The following ROBO1 variants were observed in gnomAD, a reference collection of about 807,000 sequenced individuals.
The protein encoded by ROBO1 is roundabout homolog 1.
ROBO1 carries 149 observed loss-of-function variants against 195.9 expected under a neutral mutation model. The observed-to-expected ratio is 0.76, with a 90% confidence interval of 0.67 to 0.87. ROBO1 has a LOEUF of 0.87. Among genes scored for constraint, ROBO1 ranks in the 40% least tolerant of loss-of-function variants. The pLI, the probability that ROBO1 is intolerant of heterozygous loss-of-function variation, is 0.00. For missense variants in ROBO1, 1,933 were observed against 2,068.3 expected (o/e 0.93, Z 1.27); for synonymous variants, 816 against 733.2 (o/e 1.11, Z -1.82).
chr3:79,707,313 C>G (rs1947802671), intron 1 of ROBO1, among the ~76,000 whole-genome samples: 1 of 152,108 alleles, frequency 6.6e-6, no homozygotes, highest in Non-Finnish European at 1.5e-5. Flanking sequence ...CATTATTATC[C>G]TTTTAATCTC....
chr3:79,008,929 G>GTC, intron 3 of ROBO1, among the ~76,000 whole-genome samples: 1 of 143,908 alleles, frequency 6.9e-6, no homozygotes, highest in East Asian at 2.1e-4. Flanking sequence ...GTGTGTGTGT[G>GTC]TATGGTTTTG....
chr3:78,845,898 C>T (rs1005392704), intron 4 of ROBO1, among the ~76,000 whole-genome samples: 84 of 152,304 alleles, frequency 5.5e-4, no homozygotes, highest in African/African-American at 2.0e-3. Context: ...CAGAATTCTT[C>T]AGACTAATAA....
At chr3:79,119,305 G>T (rs1008566597) in intron 3 of ROBO1, among the ~76,000 whole-genome samples, 1 of 152,122 alleles carries the variant, frequency 6.6e-6, no homozygotes, top group Non-Finnish European at 1.5e-5. Context: ...CATGTCCTGT[G>T]TTCTTCAGGA....
At chr3:79,290,196 G>A (rs1268446562) in intron 2 of ROBO1, among the ~76,000 whole-genome samples, 5 of 151,964 alleles carry the variant, frequency 3.3e-5, no homozygotes, top group African/African-American at 1.2e-4. Flanking sequence ...ACCATGCCCA[G>A]CTAATTTTTA....
chr3:79,099,463 G>A (rs2079634563), intron 3 of ROBO1, among the ~76,000 whole-genome samples: 1 of 151,648 alleles, frequency 6.6e-6, no homozygotes, highest in Admixed American at 6.6e-5. Context: ...CCTCAGAAGA[G>A]GTGACACTGA....
intron 2 of ROBO1, among the ~76,000 whole-genome samples, chr3:79,380,796 C>T (rs1427435640): frequency 6.6e-6 from 1 of 152,034 alleles, no homozygotes; most frequent in African/African-American, 2.4e-5. Flanking sequence ...CAAAAGGTGG[C>T]AGAAGTGACA....
chr3:79,422,275 C>T (rs2038259155), intron 2 of ROBO1, among the ~76,000 whole-genome samples: 1 of 150,844 alleles, frequency 6.6e-6, no homozygotes, highest in Non-Finnish European at 1.5e-5. Flanking sequence ...TTTGATTAAC[C>T]TAGTGCAACT....
chr3:79,294,349 A>C (rs2032455522), intron 2 of ROBO1, among the ~76,000 whole-genome samples: 1 of 152,202 alleles, frequency 6.6e-6, no homozygotes, highest in South Asian at 2.1e-4. Context: ...GAAATGGGGA[A>C]AAGATTCCCT....
chr3:79,171,415 A>G (rs2081163392), intron 2 of ROBO1, among the ~76,000 whole-genome samples: 1 of 122,534 alleles, frequency 8.2e-6, no homozygotes, highest in Non-Finnish European at 1.7e-5. Flanking sequence ...GAAAATTGCA[A>G]AAAAAAAAAA....
chr3:79,495,010 T>A (rs1359429296), intron 2 of ROBO1, among the ~76,000 whole-genome samples: 1 of 146,412 alleles, frequency 6.8e-6, no homozygotes, highest in Non-Finnish European at 1.5e-5. Context: ...CATAGATAGA[T>A]TGACAGATAG....
chr3:78,993,631 C>A (rs2077287523), intron 3 of ROBO1, among the ~76,000 whole-genome samples: 1 of 152,120 alleles, frequency 6.6e-6, no homozygotes, highest in South Asian at 2.1e-4. Flanking sequence ...GTCATCTCAC[C>A]CCAACCTTTA....
chr3:78,656,645 C>G (rs1707045637), intron 18 of ROBO1, among the ~76,000 whole-genome samples: 1 of 152,146 alleles, frequency 6.6e-6, no homozygotes, highest in African/African-American at 2.4e-5. Context: ...GCCACCGCAC[C>G]TGGCCTATTT....
At chr3:78,950,014 G>C (rs2040683890) in intron 3 of ROBO1, among the ~76,000 whole-genome samples, 1 of 152,136 alleles carries the variant, frequency 6.6e-6, no homozygotes, top group Non-Finnish European at 1.5e-5. Flanking sequence ...GGAAACAACA[G>C]GTGCTGGAGA....
chr3:78,940,021 T>C (rs2040047720), intron 3 of ROBO1, among the ~76,000 whole-genome samples: 1 of 152,168 alleles, frequency 6.6e-6, no homozygotes, highest in Non-Finnish European at 1.5e-5. Context: ...TTTATAACAT[T>C]CCTATCTTAT....
At chr3:79,071,867 A>T (rs903016426) in intron 3 of ROBO1, among the ~76,000 whole-genome samples, 1 of 151,642 alleles carries the variant, frequency 6.6e-6, no homozygotes, top group Non-Finnish European at 1.5e-5. Context: ...TATTCTGTAT[A>T]TTCCATAAAT....
chr3:79,098,622 A>G (rs2079614907), intron 3 of ROBO1, among the ~76,000 whole-genome samples: 1 of 151,906 alleles, frequency 6.6e-6, no homozygotes, highest in Non-Finnish European at 1.5e-5. Context: ...GCATGACTAT[A>G]TATAAGAAAC....
chr3:79,169,975 T>C (rs943448955), intron 2 of ROBO1, among the ~76,000 whole-genome samples: 3 of 152,154 alleles, frequency 2.0e-5, no homozygotes, highest in Admixed American at 2.0e-4. Flanking sequence ...TGTAAATACA[T>C]GTTTAGGTTA....
At chr3:78,669,541 A>T (rs1391264899) in intron 11 of ROBO1, among the ~76,000 whole-genome samples, 1 of 152,214 alleles carries the variant, frequency 6.6e-6, no homozygotes, top group Non-Finnish European at 1.5e-5. Context: ...CAGGCATGGG[A>T]TATGATGCCC....
intron 2 of ROBO1, among the ~76,000 whole-genome samples, chr3:79,222,964 C>T (rs1307154169): frequency 2.6e-5 from 4 of 152,044 alleles, no homozygotes; most frequent in South Asian, 2.1e-4. Context: ...GCTATCTGTC[C>T]GCAGACTAGT....
Sources: allele counts gnomAD v4.1 joint callset (sites outside exome capture counted in the v4.1 genomes callset), GRCh38; gene constraint gnomAD v4.1.1; transcripts MANE v1.5; gene names NCBI Gene and HGNC (gene_info 2026-07-23, HGNC 2026-07-21).